Variants in TOE1 observed in about 807,000 individuals in gnomAD.
TOE1 encodes the protein target of EGR1, exonuclease, also known as target of EGR1 protein 1.
A neutral mutation model predicts 49.2 loss-of-function variants in TOE1; 50 were observed. That is an observed-to-expected ratio of 1.02 (90% confidence interval 0.81 to 1.29). The LOEUF is 1.29. Ranked by LOEUF, TOE1 falls within the 50% of genes most tolerant of loss-of-function variation. The pLI is 0.00. For synonymous variants in TOE1, 221 were observed against 247.0 expected (o/e 0.89, Z 0.99); for missense variants, 544 against 654.4 (o/e 0.83, Z 1.84).
At chr1:45,340,418 T>C in intron 1 of TOE1, 114 bp downstream of exon 1, 1 of 1,531,592 alleles carries the variant, frequency 6.5e-7, no homozygotes, top group Non-Finnish European at 8.8e-7. Context: ...TCCTTCCGCC[T>C]GAACTAGCCA....
intron 6 of TOE1, 66 bp downstream of exon 6, chr1:45,342,709 T>G: frequency 3.7e-6 from 6 of 1,601,168 alleles, no homozygotes; most frequent in Non-Finnish European, 5.1e-6. Context: ...CTTAAGATAT[T>G]TATTGAGCTC....
chr1:45,340,219 C>A lies in TOE1; in HGVS notation c.-34C>A, dbSNP rs767402084. On this transcript the variant is annotated 5_prime_UTR_variant, in exon 1 of 8. Transcript: ENST00000372090. ...GAGACGGACCGCAAGTCCAGCGTAC[C>A]CACAGACGACTCAGGCGGGAGACGA... is the stretch of plus-strand genomic sequence containing the variant. The A allele has an allele frequency of 6.2e-7, 1 of 1,613,868 alleles. No individual in the cohort carries two copies. The highest frequency in any genetic ancestry group is 8.5e-7 in the Non-Finnish European group (1 of 1,180,034).
At chr1:45,340,719 A>G (rs545115839) in intron 1 of TOE1, among the ~76,000 whole-genome samples, 36 of 152,244 alleles carry the variant, frequency 2.4e-4, no homozygotes, top group African/African-American at 7.9e-4. Context: ...TCCCTGTGGG[A>G]TATTAAGGGA....
chr1:45,341,685 A>C, intron 4 of TOE1, 116 bp downstream of exon 4: 1 of 977,360 alleles, frequency 1.0e-6, no homozygotes, highest in Non-Finnish European at 1.5e-6. Flanking sequence ...TTGACTTGAT[A>C]GTTTTTTTTT....
Position 45,342,920 on chromosome 1 carries a change from T to C in TOE1, c.830T>C (p.Met277Thr), listed in dbSNP as rs763253226. Residue 277 changes from methionine (M) to threonine (T), a missense_variant, in exon 7 of 8, where the codon ATG becomes ACG. By Grantham distance (81) the Met-to-Thr change is moderately conservative. Transcript: ENST00000372090. ...TLEFCNYPSS[M>T]RDHIDYRCCL... Reference sequence around the variant, plus strand: ...GAGTTCTGCAACTATCCTTCCAGCATGAGGGACCATATTGATTACCGCTGC... The same window carrying C: ...GAGTTCTGCAACTATCCTTCCAGCACGAGGGACCATATTGATTACCGCTGC... 1 of 1,613,620 alleles carries C rather than the reference T, an allele frequency of 6.2e-7. No homozygotes were observed. The highest frequency in any genetic ancestry group is 8.5e-7 in the Non-Finnish European group (1 of 1,179,978).
chr1:45,340,420 A>T (rs948007076), intron 1 of TOE1, 116 bp downstream of exon 1: 2 of 1,530,676 alleles, frequency 1.3e-6, no homozygotes, highest in Admixed American at 4.0e-5. Flanking sequence ...CTTCCGCCTG[A>T]ACTAGCCACG....
Position 45,342,588 on chromosome 1 carries a change from G to A in TOE1, c.697G>A (p.Ala233Thr). 1.2e-6 allele frequency: 2 copies of A among 1,614,142 alleles called. No homozygotes were observed. Among genetic ancestry groups the A allele is most frequent in the Non-Finnish European group, 1.7e-6 (2 of 1,180,040 alleles). Reference sequence around the variant, plus strand: ...AGGCATTTATGACACCAAATATGCTGCTGAGTTTCATGCCCGTTTCGTGGC... The same window carrying A: ...AGGCATTTATGACACCAAATATGCTACTGAGTTTCATGCCCGTTTCGTGGC... The part of the protein sequence containing the change: ...PAGIYDTKYA[A>T]EFHARFVASY... Residue 233 changes from alanine to threonine, a missense_variant, in exon 6 of 8, where the codon GCT (alanine) becomes ACT (threonine). By Grantham distance (58) the Ala-to-Thr change is moderately conservative. Transcript: ENST00000372090.
chr1:45,342,854 A>T lies in TOE1; in HGVS notation c.764A>T (p.Asn255Ile), dbSNP rs201020060. ...EYAFRKCERE[N>I]GKQRAAGSPH... ...TTGCGCTGTTGCAGTGAACGGGAAA[A>T]TGGGAAGCAGCGGGCAGCTGGCAGC... The change falls in exon 7 of 8, where the codon AAT becomes ATT. Residue 255 changes from asparagine to isoleucine, a missense_variant. Coordinates refer to ENST00000372090, the MANE Select transcript of TOE1 (RefSeq NM_025077.4). 3.7e-6 allele frequency: 6 copies of T among 1,614,136 alleles called. No homozygotes were observed. The Admixed American group carries it at 1.0e-4, about 27-fold the overall frequency.
Position 45,343,781 on chromosome 1 carries a change from C to CTGAG in TOE1, c.*81_*84dup. The stretch of plus-strand genomic sequence containing the variant: ...CCTGAAATGTCATCCTCAACTGCTA[C>CTGAG]TGAGTTTAGGGGAGGGGGAATGTCT... On this transcript the variant is annotated 3_prime_UTR_variant, in exon 8 of 8. Transcript: ENST00000372090. This position sits in a 1 kb window ranked among gnomAD's most constrained non-coding sequence, Gnocchi z 4.3. 6.7e-7 allele frequency: 1 copy of CTGAG among 1,488,898 alleles called. No individual in the cohort carries two copies. The highest frequency in any genetic ancestry group is 9.1e-7 in the Non-Finnish European group (1 of 1,096,708). 92.2% of individuals were successfully genotyped at this position (1,488,898 alleles called of 1,614,324 possible). A position where few individuals can be genotyped will look rare whatever the true frequency, so the allele number is the denominator to read the frequency against.
chr1:45,343,065 C>G lies in TOE1; in HGVS notation c.913-17C>G, dbSNP rs778830036. The G allele has an allele frequency of 1.9e-6, 3 of 1,613,196 alleles. No individual in the cohort carries two copies. In the Admixed American group the frequency reaches 5.0e-5, roughly 27 times the overall value. ...TGATGCCTGGAGCCTCTTTCTAAGC[C>G]TCTTTCCCACCCCTAGGCTTATGGC... On this transcript the variant is annotated splice_polypyrimidine_tract_variant and intron_variant, in intron 7 of 7. Transcript: ENST00000372090. This position sits in a 1 kb window ranked among gnomAD's most constrained non-coding sequence, Gnocchi z 4.3.
intron 2 of TOE1, 26 bp downstream of exon 2, chr1:45,341,241 A>T (rs1343863605): frequency 1.2e-6 from 2 of 1,614,158 alleles, no homozygotes; most frequent in African/African-American, 2.7e-5. Flanking sequence ...CAAGGAGGGC[A>T]GGTGGTTGTG....
chr1:45,340,999 G>A (rs1401117526), intron 1 of TOE1, 74 bp from the exon 2 acceptor site: 4 of 1,598,670 alleles, frequency 2.5e-6, no homozygotes, highest in African/African-American at 2.7e-5. Flanking sequence ...CACCATCACC[G>A]TGGCCTAGCT....
Position 45,342,615 on chromosome 1 carries a change from T to C in TOE1, c.724T>C (p.Ser242Pro). 6.2e-7 allele frequency: 1 copy of C among 1,614,080 alleles called. No homozygotes were observed. The highest frequency in any genetic ancestry group is 8.5e-7 in the Non-Finnish European group (1 of 1,180,012). Reference sequence around the variant, plus strand: ...TGAGTTTCATGCCCGTTTCGTGGCCTCCTACTTAGAATATGCCTTCCGGAA... The same window carrying C: ...TGAGTTTCATGCCCGTTTCGTGGCCCCCTACTTAGAATATGCCTTCCGGAA... ...AAEFHARFVASYLEYAFRKCE... is the reference protein window; with the variant it reads ...AAEFHARFVAPYLEYAFRKCE... The change falls in exon 6 of 8, where the codon TCC becomes CCC. Residue 242 changes from serine (S) to proline (P), a missense_variant. Coordinates refer to ENST00000372090, the MANE Select transcript of TOE1 (RefSeq NM_025077.4).
chr1:45,342,790 G>A, intron 6 of TOE1, 53 bp from the exon 7 acceptor site: 4 of 1,611,322 alleles, frequency 2.5e-6, no homozygotes, highest in Non-Finnish European at 2.5e-6. Context: ...ACAAAACCCT[G>A]CTCTTATGGA....
Position 45,343,276 on chromosome 1 carries a change from G to A in TOE1, c.1107G>A (p.Gln369=), listed in dbSNP as rs1176191616. The change falls in exon 8 of 8, where the codon CAG becomes CAA. Residue 369 remains glutamine (Q), a synonymous_variant. Coordinates refer to ENST00000372090, the MANE Select transcript of TOE1 (RefSeq NM_025077.4). This position sits in a 1 kb window ranked among gnomAD's most constrained non-coding sequence, Gnocchi z 4.3. ...GEAKDGPPKK[Q]VCGDSIKPEE... is the part of the protein sequence containing the mutation. ...CTAAGGATGGTCCTCCCAAGAAGCA[G>A]GTCTGTGGGGATAGCATCAAGCCTG... 7.4e-6 allele frequency: 12 copies of A among 1,614,116 alleles called. No individual in the cohort carries two copies. Among genetic ancestry groups the A allele is most frequent in the Non-Finnish European group, 9.3e-6 (11 of 1,180,034 alleles).
Position 45,343,459 on chromosome 1 carries a change from C to T in TOE1, c.1290C>T (p.Asn430=), listed in dbSNP as rs373604034. The T allele has an allele frequency of 9.3e-6, 15 of 1,614,186 alleles. No homozygotes were observed. In the African/African-American group the frequency reaches 1.7e-4, roughly 19 times the overall value. Residue 430 remains asparagine (N), a synonymous_variant, in exon 8 of 8, where the codon AAC becomes AAT. Transcript: ENST00000372090. The surrounding 1 kb of genome is among the most constrained non-coding windows in gnomAD (Gnocchi z 4.3). The stretch of plus-strand genomic sequence containing the variant: ...TGCCAGGGAGCCAAGCCAGTCCTAA[C>T]CCAGTGCCTGGGGATGGATTGCACC... ...SEVPGSQASP[N]PVPGDGLHRA... is the part of the protein sequence containing the mutation.
chr1:45,343,255 G>C lies in TOE1; in HGVS notation c.1086G>C (p.Lys362Asn). Residue 362 changes from lysine to asparagine, a missense_variant, in exon 8 of 8, where the codon AAG (lysine) becomes AAC (asparagine). Coordinates refer to ENST00000372090, the MANE Select transcript of TOE1 (RefSeq NM_025077.4). This position sits in a 1 kb window ranked among gnomAD's most constrained non-coding sequence, Gnocchi z 4.3. The stretch of plus-strand genomic sequence containing the variant: ...GGACACAGACCTCTGGGGAAGCTAA[G>C]GATGGTCCTCCCAAGAAGCAGGTCT... ...LPGTQTSGEA[K>N]DGPPKKQVCG... 1 of 1,614,038 alleles carries C rather than the reference G, an allele frequency of 6.2e-7. No individual in the cohort carries two copies.
rs757795522 is a variant in TOE1 at position 45,342,585 on chromosome 1, G to T, written c.694G>T (p.Ala232Ser). 7.4e-6 allele frequency: 12 copies of T among 1,614,016 alleles called. No individual in the cohort carries two copies. Among genetic ancestry groups the T allele is most frequent in the Non-Finnish European group, 1.0e-5 (12 of 1,180,052 alleles). The change falls in exon 6 of 8, where the codon GCT (alanine) becomes TCT (serine). Residue 232 changes from alanine (A) to serine (S), a missense_variant. Transcript: ENST00000372090. ...AGCAGGCATTTATGACACCAAATAT[G>T]CTGCTGAGTTTCATGCCCGTTTCGT... is the stretch of plus-strand genomic sequence containing the variant. ...FPAGIYDTKY[A>S]AEFHARFVAS...
chr1:45,343,162 G>C lies in TOE1; in HGVS notation c.993G>C (p.Ala331=). 1.9e-6 allele frequency: 3 copies of C among 1,613,908 alleles called. No individual in the cohort carries two copies. The highest frequency in any genetic ancestry group is 2.5e-6 in the Non-Finnish European group (3 of 1,180,000). The change falls in exon 8 of 8, where the codon GCG becomes GCC. Residue 331 remains alanine, a synonymous_variant. Coordinates refer to ENST00000372090, the MANE Select transcript of TOE1 (RefSeq NM_025077.4). The surrounding 1 kb of genome is among the most constrained non-coding windows in gnomAD (Gnocchi z 4.3). ...TTATCATTGACACTGATGAGGCTGC[G>C]GCAGAGGACAAGCGGCGACGGCGAC... ...IDLIIDTDEA[A]AEDKRRRRRR... is the part of the protein sequence containing the mutation.
Sources: allele counts gnomAD v4.1 joint callset (sites outside exome capture counted in the v4.1 genomes callset), GRCh38; gene constraint gnomAD v4.1.1; non-coding constraint Gnocchi (gnomAD v3.1); transcripts MANE v1.5; gene names NCBI Gene and HGNC (gene_info 2026-07-23, HGNC 2026-07-21).